The following PPP6R3 variants were observed in gnomAD, a reference collection of about 807,000 sequenced individuals.
PPP6R3 encodes protein phosphatase 6 regulatory subunit 3, also known as serine/threonine-protein phosphatase 6 regulatory subunit 3.
Under a neutral mutation model 110.7 loss-of-function variants are expected in PPP6R3, and 38 were observed. The ratio of observed to expected loss-of-function variants is 0.34; its 90% CI spans 0.26 to 0.45. The LOEUF (loss-of-function observed/expected upper bound fraction) is 0.45, where lower values mean the gene tolerates loss of function less well. Ranked by LOEUF, PPP6R3 falls within the 20% of genes least tolerant of loss-of-function variation. PPP6R3 has a pLI of 1.00. For missense variants in PPP6R3, 870 were observed against 1,062.4 expected (o/e 0.82, Z 2.52); for synonymous variants, 369 against 373.5 (o/e 0.99, Z 0.14).
Position 68,465,892 on chromosome 11 carries a change from A to G in PPP6R3, c.-158+5065A>G, listed in dbSNP as rs542180123. ...TAGTTACACTTTGTTACTCATTTAT[A>G]AGAAATGATTACTTCGACTTGCCTC... On this transcript the variant is annotated intron_variant, in intron 1 of 23. Transcript: ENST00000393800. Among the ~76,000 whole-genome samples the G allele has an allele frequency of 1.4e-4, 22 of 152,374 alleles. No individual in the cohort carries two copies. The South Asian group carries it at 4.1e-3, about 29-fold the overall frequency.
At chr11:68,466,635 C>T (rs1041473643) in intron 1 of PPP6R3, among the ~76,000 whole-genome samples, 7 of 150,590 alleles carry the variant, frequency 4.6e-5, no homozygotes, top group Non-Finnish European at 7.4e-5. Context: ...TATTTTGAGA[C>T]GGAGTCTCAC....
Position 68,519,572 on chromosome 11 carries a change from T to C in PPP6R3, c.-86T>C. ...CTAATGCAGTAAATTGGAGGAAAAC[T>C]GTTACCAGGATAACCTGTAATGGGC... On this transcript the variant is annotated 5_prime_UTR_variant, in exon 2 of 24. Transcript: ENST00000393800. The C allele has an allele frequency of 2.5e-6, 1 of 398,626 alleles. No individual in the cohort carries two copies. The highest frequency in any genetic ancestry group is 4.4e-6 in the Non-Finnish European group (1 of 226,052). 24.7% of individuals were successfully genotyped at this position (398,626 alleles called of 1,614,324 possible).
chr11:68,477,728 T>TAAAAAAAA (rs1181714569), intron 1 of PPP6R3, among the ~76,000 whole-genome samples: 5 of 77,416 alleles, frequency 6.5e-5, no homozygotes, highest in South Asian at 4.1e-4. Context: ...CATTGTCTCT[T>TAAAAAAAA]AAAAAAAAAA....
chr11:68,472,354 A>C (rs1158897836), intron 1 of PPP6R3, among the ~76,000 whole-genome samples: 1 of 152,164 alleles, frequency 6.6e-6, no homozygotes, highest in Non-Finnish European at 1.5e-5. Context: ...TTGTCCTGCC[A>C]TTGGAGAATA....
intron 8 of PPP6R3, among the ~76,000 whole-genome samples, chr11:68,562,827 CAG>C (rs2099430059): frequency 6.6e-6 from 1 of 152,156 alleles, no homozygotes; most frequent in Non-Finnish European, 1.5e-5. Context: ...ATCTTTGTCT[CAG>C]AGTCATGTAC....
intron 11 of PPP6R3, 131 bp downstream of exon 11, chr11:68,570,028 T>C: frequency 1.2e-6 from 1 of 817,226 alleles, no homozygotes; most frequent in African/African-American, 1.7e-5. Flanking sequence ...GACAATCATG[T>C]GTTCGTTTCA....
At chr11:68,496,995 G>A (rs2099020697) in intron 1 of PPP6R3, among the ~76,000 whole-genome samples, 1 of 150,800 alleles carries the variant, frequency 6.6e-6, no homozygotes. Context: ...GCGAGTAGCT[G>A]GGACTACAGG....
At chr11:68,498,873 G>A (rs920646866) in intron 1 of PPP6R3, among the ~76,000 whole-genome samples, 1 of 152,192 alleles carries the variant, frequency 6.6e-6, no homozygotes, top group Non-Finnish European at 1.5e-5. Flanking sequence ...AGAGGTATAT[G>A]TATAGTAGTG....
chr11:68,558,706 T>G, intron 8 of PPP6R3, 27 bp downstream of exon 8: 1 of 1,515,088 alleles, frequency 6.6e-7, no homozygotes. Context: ...TCTTACAAAA[T>G]GAACCATGTT....
intron 12 of PPP6R3, among the ~76,000 whole-genome samples, chr11:68,573,134 AT>A (rs1565934031): frequency 1.8e-5 from 2 of 109,450 alleles, no homozygotes; most frequent in African/African-American, 7.9e-5. Flanking sequence ...ATATATATAT[AT>A]ATATATATAT....
intron 1 of PPP6R3, among the ~76,000 whole-genome samples, chr11:68,507,733 T>C (rs1007723824): frequency 6.6e-6 from 1 of 152,180 alleles, no homozygotes; most frequent in African/African-American, 2.4e-5. Context: ...TAAAAACTAG[T>C]GTTTCTTGCT....
At chr11:68,482,471 T>C (rs2098921188) in intron 1 of PPP6R3, among the ~76,000 whole-genome samples, 1 of 151,720 alleles carries the variant, frequency 6.6e-6, no homozygotes, top group Non-Finnish European at 1.5e-5. Flanking sequence ...TAATTTGAAA[T>C]TGTGGAGTGT....
In PPP6R3 at chr11:68,613,510, G is replaced by GTATT. The variant is rs746674580; in HGVS notation, c.*394_*397dup. On this transcript the variant is annotated 3_prime_UTR_variant, in exon 24 of 24. Coordinates refer to ENST00000393800, the MANE Select transcript of PPP6R3 (RefSeq NM_001164161.2). ...TTTGACAATTATTAGTGTGACCAAA[G>GTATT]TATTAGGCGGTTTTCATACATTTTT... The GTATT allele has an allele frequency of 4.0e-6, 4 of 989,106 alleles. No individual in the cohort carries two copies. The highest frequency in any genetic ancestry group is 1.7e-5 in the African/African-American group (1 of 57,368). The allele number at this position is 989,106 out of a possible 1,614,324, so 61.3% of individuals were successfully genotyped here.
intron 3 of PPP6R3, 76 bp downstream of exon 3, chr11:68,537,967 A>G: frequency 1.8e-6 from 2 of 1,123,872 alleles, no homozygotes; most frequent in Non-Finnish European, 2.6e-6. Flanking sequence ...TTGTTCAAGG[A>G]TTCTCCAGTG....
chr11:68,504,813 G>A (rs1276053352), intron 1 of PPP6R3, among the ~76,000 whole-genome samples: 4 of 152,146 alleles, frequency 2.6e-5, no homozygotes, highest in African/African-American at 9.7e-5. Flanking sequence ...AGAACTTTTT[G>A]CAGTTTGGCC....
chr11:68,569,708 T>C, intron 10 of PPP6R3, 40 bp from the exon 11 acceptor site: 1 of 1,492,554 alleles, frequency 6.7e-7, no homozygotes, highest in East Asian at 2.3e-5. Flanking sequence ...GGCTTAAACA[T>C]TGAGGTAACC....
rs755894590 is a variant in PPP6R3 at position 68,603,366 on chromosome 11, C to T, written c.2324C>T (p.Ala775Val). 1 of 1,613,936 alleles carries T rather than the reference C, an allele frequency of 6.2e-7. No homozygotes were observed. The highest frequency in any genetic ancestry group is 2.2e-5 in the East Asian group (1 of 44,854). Reference protein sequence around the residue: ...PEAAGSVAMEASSDGEEDAES... With the variant: ...PEAAGSVAMEVSSDGEEDAES... ...GCGGCAGGCAGTGTGGCCATGGAAG[C>T]CAGCTCTGACGGAGAGGAGGATGCA... The change falls in exon 22 of 24, where the codon GCC becomes GTC. Residue 775 changes from alanine to valine, a missense_variant. Ala to Val is a moderately conservative substitution (Grantham distance 64). Transcript: ENST00000393800.
intron 1 of PPP6R3, among the ~76,000 whole-genome samples, chr11:68,481,340 G>T (rs559500912): frequency 6.6e-6 from 1 of 152,262 alleles, no homozygotes; most frequent in Non-Finnish European, 1.5e-5. Flanking sequence ...ATTGAGGAGG[G>T]TTAGGGGATT....
At chr11:68,461,819 G>A (rs1164820550) in intron 1 of PPP6R3, among the ~76,000 whole-genome samples, 2 of 152,040 alleles carry the variant, frequency 1.3e-5, no homozygotes, top group African/African-American at 2.4e-5. Flanking sequence ...TCCTTTATTC[G>A]TGGGACGTTT....
Sources: gnomAD v4.1 joint callset for allele counts (sites outside exome capture counted in the v4.1 genomes callset) on GRCh38, gnomAD v4.1.1 for gene constraint, MANE v1.5 for transcripts, NCBI Gene and HGNC (gene_info 2026-07-23, HGNC 2026-07-21) for gene names.